Variants in ARHGEF18 observed in about 807,000 individuals in gnomAD.
ARHGEF18 encodes rho guanine nucleotide exchange factor 18.
A neutral mutation model predicts 155.7 loss-of-function variants in ARHGEF18; 93 were observed. That is an observed-to-expected ratio of 0.60 (90% confidence interval 0.50 to 0.71). ARHGEF18 has a LOEUF of 0.71. Ranked by LOEUF, ARHGEF18 falls within the 30% of genes least tolerant of loss-of-function variation. ARHGEF18 has a pLI of 0.00. For missense variants in ARHGEF18, 1,593 were observed against 1,816.1 expected, an observed-to-expected ratio of 0.88 and a Z score of 2.23; for synonymous variants, 742 against 753.1, an observed-to-expected ratio of 0.99 and a Z score of 0.24.
rs974201469 is a variant in ARHGEF18 at position 7,459,983 on chromosome 19, G to A, written c.2441G>A (p.Arg814Gln). Residue 814 changes from arginine (R) to glutamine (Q), a missense_variant, in exon 20 of 29, where the codon CGG becomes CAG. Transcript: ENST00000668164. ...GTCGAGGCCCGCGCCACGAGACTCCGGGACTTTCAAGGTGAGCGGGAGACA... is the reference window on the plus strand; with the variant it reads ...GTCGAGGCCCGCGCCACGAGACTCCAGGACTTTCAAGGTGAGCGGGAGACA... ...KVVEARATRLRDFQERLSMKD... is the reference protein window; with the variant it reads ...KVVEARATRLQDFQERLSMKD... 1.1e-5 allele frequency: 17 copies of A among 1,579,278 alleles called. No homozygotes were observed. The highest frequency in any genetic ancestry group is 7.0e-5 in the South Asian group (6 of 86,258).
In ARHGEF18 at chr19:7,459,255, T is replaced by C. The variant is rs1231903721; in HGVS notation, c.2360+565T>C. Reference sequence around the variant, plus strand: ...TTGTTTTTTAGAGTCTGGCTCTTGCTCTATCACCCAGGCTGGAGTGCGCTG... The same window carrying C: ...TTGTTTTTTAGAGTCTGGCTCTTGCCCTATCACCCAGGCTGGAGTGCGCTG... On this transcript the variant is annotated intron_variant, in intron 19 of 28. Transcript: ENST00000668164. Among the ~76,000 whole-genome samples, 3 of 152,204 alleles carry C rather than the reference T, an allele frequency of 2.0e-5. No individual in the cohort carries two copies. In the East Asian group the frequency reaches 5.8e-4, roughly 29 times the overall value.
intron 10 of ARHGEF18, among the ~76,000 whole-genome samples, chr19:7,385,895 CCT>C (rs1200793502): frequency 1.5e-4 from 6 of 39,198 alleles, no homozygotes; most frequent in African/African-American, 1.1e-3. Context: ...TCCCTCCCTC[CCT>C]CTCTCTCTCC....
chr19:7,423,875 T>C (rs72994557), intron 10 of ARHGEF18, among the ~76,000 whole-genome samples: 28,857 of 151,768 alleles, frequency 0.19, 3,062 homozygotes, highest in Non-Finnish European at 0.23. Flanking sequence ...CTAGTATTGA[T>C]AGAAGCGAGC....
At position 7,470,214 on chromosome 19, in the gene ARHGEF18, C is replaced by G. The variant is rs376176716; in HGVS notation, c.4002C>G (p.Pro1334=). Residue 1334 remains proline (P), a synonymous_variant, in exon 29 of 29, where the codon CCC becomes CCG. Coordinates refer to ENST00000668164, the MANE Select transcript of ARHGEF18 (RefSeq NM_001367823.1). This position sits in a 1 kb window ranked among gnomAD's most constrained non-coding sequence, Gnocchi z 5.9. ...AGGCCGGGGGCACAGCCCTCCTGCC[C>G]GGGCCCCCAGCTCCCTCGCCACTGC... The part of the protein sequence containing the change: ...SLKAGGTALL[P]GPPAPSPLPA... 3 of 1,610,334 alleles carry G rather than the reference C, an allele frequency of 1.9e-6. No homozygotes were observed. The highest frequency in any genetic ancestry group is 2.2e-5 in the South Asian group (2 of 90,924).
rs938787767 is a variant in ARHGEF18, at chr19:7,419,240, T to A, written c.968-21104T>A. ...CCCACACTCGGCCTCTGTACCCCGATGTACCCACACTCGGCCTCCGCACCC... is the reference window on the plus strand; with the variant it reads ...CCCACACTCGGCCTCTGTACCCCGAAGTACCCACACTCGGCCTCCGCACCC... On this transcript the variant is annotated intron_variant, in intron 10 of 28. Transcript: ENST00000668164. Among the ~76,000 whole-genome samples, 12 of 117,586 alleles carry A rather than the reference T, an allele frequency of 1.0e-4. 1 individual carries two copies. Among genetic ancestry groups the A allele is most frequent in the African/African-American group, 2.8e-4 (5 of 17,864 alleles). 77.1% of individuals were successfully genotyped at this position (117,586 alleles called of 152,430 possible). A position where few individuals can be genotyped will look rare whatever the true frequency, so the allele number is the denominator to read the frequency against.
In ARHGEF18 at chr19:7,467,259, G is replaced by A; in HGVS notation, c.3055G>A (p.Ala1019Thr). Reference protein sequence around the residue: ...QDSYVETQRAAIQEREKQFRL... With the variant: ...QDSYVETQRATIQEREKQFRL... ...CAGCTATGTGGAGACGCAGCGGGCT[G>A]CCATCCAGGAGCGGGAGAAGCAGTT... Residue 1019 changes from alanine to threonine, a missense_variant, in exon 26 of 29, where the codon GCC (alanine) becomes ACC (threonine). Physicochemically the swap from Ala to Thr is moderately conservative, Grantham distance 58. Coordinates refer to ENST00000668164, the MANE Select transcript of ARHGEF18 (RefSeq NM_001367823.1). 6.4e-7 allele frequency: 1 copy of A among 1,568,050 alleles called. No individual in the cohort carries two copies.
At chr19:7,473,238 G>A (rs1977118637), downstream of ARHGEF18, 1 of 456,196 alleles carries the variant, frequency 2.2e-6, no homozygotes, top group Non-Finnish European at 4.4e-6. Context: ...CCCATCACAA[G>A]GGGACTAGGT....
At chr19:7,375,650 CT>C in intron 3 of ARHGEF18, 69 bp from the exon 4 acceptor site, 3 of 1,229,828 alleles carry the variant, frequency 2.4e-6, no homozygotes, top group Non-Finnish European at 3.0e-6. Flanking sequence ...TCAAGCCCCC[CT>C]GGATGCCTGG....
chr19:7,431,510 C>CAAAAAAAAAAAAAAAA (rs34609858), intron 10 of ARHGEF18, among the ~76,000 whole-genome samples: 4 of 51,292 alleles, frequency 7.8e-5, no homozygotes, highest in East Asian at 6.6e-4. Context: ...GACTCCATCT[C>CAAAAAAAAAAAAAAAA]AAAAAAAAAA....
chr19:7,458,959 G>T (rs1976022213), intron 19 of ARHGEF18, among the ~76,000 whole-genome samples: 1 of 152,214 alleles, frequency 6.6e-6, no homozygotes, highest in African/African-American at 2.4e-5. Context: ...GGCCAGATTT[G>T]TTGGAGCAGG....
chr19:7,359,694 G>A (rs939159170), intron 1 of ARHGEF18, among the ~76,000 whole-genome samples: 13 of 151,592 alleles, frequency 8.6e-5, no homozygotes, highest in Non-Finnish European at 1.8e-4. Context: ...TCAGGATCAA[G>A]GCTCAGTATA....
chr19:7,407,961 C>CAAAAAAAAAAAAAAAAAAAA (rs71179104), intron 10 of ARHGEF18, among the ~76,000 whole-genome samples: 1 of 48,790 alleles, frequency 2.0e-5, no homozygotes, highest in African/African-American at 1.0e-4. Context: ...GACTCCGTCT[C>CAAAAAAAAAAAAAAAAAAAA]AAAAAAAAAA....
rs34609858 is a variant in ARHGEF18 at position 7,431,510 on chromosome 19, CAAAAAAAA to C, written c.968-8818_968-8811del. ...TGGACGACAGAGTGAGACTCCATCT[CAAAAAAAA>C]AAAAAAAAAAAAAAAGGCCGGGCTC... On this transcript the variant is annotated intron_variant, in intron 10 of 28. Coordinates refer to ENST00000668164, the MANE Select transcript of ARHGEF18 (RefSeq NM_001367823.1). 1.7e-3 allele frequency among the ~76,000 whole-genome samples: 89 copies of C among 51,276 alleles called. 1 individual carries two copies. The highest frequency in any genetic ancestry group is 1.1e-3 in the Admixed American group (4 of 3,618). 33.6% of individuals were successfully genotyped at this position (51,276 alleles called of 152,430 possible).
rs1976935423 is a variant in ARHGEF18 at position 7,470,141 on chromosome 19, C to T, written c.3929C>T (p.Ala1310Val). The T allele has an allele frequency of 6.2e-7, 1 of 1,612,308 alleles. No homozygotes were observed. Among genetic ancestry groups the T allele is most frequent in the Non-Finnish European group, 8.5e-7 (1 of 1,179,700 alleles). The part of the protein sequence containing the change: ...PAPPPDPGFP[A>V]PSPPPADSPS... The stretch of plus-strand genomic sequence containing the variant: ...TCTGTTCCAGACCCTGGCTTCCCCG[C>T]CCCGAGCCCACCGCCAGCTGACAGC... Residue 1310 changes from alanine (A) to valine (V), a missense_variant, in exon 29 of 29, where the codon GCC (alanine) becomes GTC (valine). Physicochemically the swap from Ala to Val is moderately conservative, Grantham distance 64. Transcript: ENST00000668164. This position sits in a 1 kb window ranked among gnomAD's most constrained non-coding sequence, Gnocchi z 5.9.
At chr19:7,387,510 G>A (rs1971152609) in intron 10 of ARHGEF18, among the ~76,000 whole-genome samples, 1 of 152,014 alleles carries the variant, frequency 6.6e-6, no homozygotes, top group Admixed American at 6.6e-5. Context: ...CTAAGAATGG[G>A]GTGGGTTTTT....
At chr19:7,399,770 C>G (rs1180451548) in intron 10 of ARHGEF18, among the ~76,000 whole-genome samples, 1 of 146,868 alleles carries the variant, frequency 6.8e-6, no homozygotes, top group Non-Finnish European at 1.5e-5. Flanking sequence ...TGAGCCACCA[C>G]GCCTTTTTTT....
intron 3 of ARHGEF18, among the ~76,000 whole-genome samples, chr19:7,374,505 C>T (rs1970344121): frequency 6.6e-6 from 1 of 151,786 alleles, no homozygotes. Context: ...TGGCAAAACC[C>T]CCTGTCTACT....
chr19:7,437,736 C>T (rs1246427525), intron 10 of ARHGEF18, among the ~76,000 whole-genome samples: 1 of 150,008 alleles, frequency 6.7e-6, no homozygotes, highest in African/African-American at 2.5e-5. Flanking sequence ...CTCTGCCTCC[C>T]GGGTTCAAGC....
At chr19:7,415,557 C>T (rs555630998) in intron 10 of ARHGEF18, among the ~76,000 whole-genome samples, 7 of 152,230 alleles carry the variant, frequency 4.6e-5, no homozygotes, top group African/African-American at 1.7e-4. Flanking sequence ...CTCCAAGGGC[C>T]CCCAAGGCCC....
Sources: gnomAD v4.1 joint callset for allele counts (sites outside exome capture counted in the v4.1 genomes callset) on GRCh38, gnomAD v4.1.1 for gene constraint, Gnocchi (gnomAD v3.1) non-coding constraint, MANE v1.5 for transcripts, NCBI Gene and HGNC (gene_info 2026-07-23, HGNC 2026-07-21) for gene names.